Variants in SRBD1 observed in about 807,000 individuals in gnomAD.
SRBD1 encodes S1 RNA-binding domain-containing protein 1.
SRBD1 carries 88 observed loss-of-function variants against 115.3 expected under a neutral mutation model. The observed-to-expected ratio is 0.76, with a 90% CI of 0.64 to 0.91. The LOEUF (loss-of-function observed/expected upper bound fraction) is 0.91, where lower values mean the gene tolerates loss of function less well. Among genes scored for constraint, SRBD1 ranks in the 40% least tolerant of loss-of-function variants. The pLI, the probability that SRBD1 is intolerant of heterozygous loss-of-function variation, is 0.00. For synonymous variants in SRBD1, 509 were observed against 407.7 expected (o/e 1.25, Z -2.99); for missense variants, 1,385 against 1,177.4 (o/e 1.18, Z -2.58).
chr2:45,431,610 C>T (rs1206231316), intron 16 of SRBD1, among the ~76,000 whole-genome samples: 1 of 152,104 alleles, frequency 6.6e-6, no homozygotes, highest in African/African-American at 2.4e-5. Context: ...GAACATCACA[C>T]ACACTGGGGC....
chr2:45,561,408 T>C (rs1186493620), intron 10 of SRBD1, among the ~76,000 whole-genome samples: 1 of 152,258 alleles, frequency 6.6e-6, no homozygotes, highest in Non-Finnish European at 1.5e-5. Context: ...GTTAAGCAAG[T>C]TGATCCTTCA....
At position 45,477,147 on chromosome 2, in the gene SRBD1, T is replaced by C; in HGVS notation, c.1967-72A>G. On this transcript the variant is annotated intron_variant, in intron 15 of 20. Coordinates refer to ENST00000263736, the MANE Select transcript of SRBD1 (RefSeq NM_018079.5). ...AGTACCTAATAATTACTTACATTAGTTTCTCATAATGTAAGTACTTAATCC... is the reference window on the plus strand; with the variant it reads ...AGTACCTAATAATTACTTACATTAGCTTCTCATAATGTAAGTACTTAATCC... 3.3e-6 allele frequency: 4 copies of C among 1,223,572 alleles called. No individual in the cohort carries two copies. In the Admixed American group the frequency reaches 5.4e-5, roughly 17 times the overall value. 75.8% of individuals were successfully genotyped at this position (1,223,572 alleles called of 1,614,324 possible).
rs745517273 is a variant in SRBD1 at position 45,605,467 on chromosome 2, G to C, written c.1-26C>G. 7.5e-6 allele frequency: 12 copies of C among 1,592,612 alleles called. No individual in the cohort carries two copies. The East Asian group carries it at 2.5e-4, about 33-fold the overall frequency. On this transcript the variant is annotated intron_variant, in intron 1 of 20. Transcript: ENST00000263736. The stretch of plus-strand genomic sequence containing the variant: ...CTAGAAGAAACAGAAAATAAAATCA[G>C]CAACACTTGAATATTCTTATCACTT...
intron 4 of SRBD1, among the ~76,000 whole-genome samples, chr2:45,598,059 C>T (rs1572824678): frequency 6.6e-6 from 1 of 152,206 alleles, no homozygotes; most frequent in Non-Finnish European, 1.5e-5. Context: ...CCACCTGCCT[C>T]TGTAGGCCTG....
intron 13 of SRBD1, 106 bp from the exon 14 acceptor site, chr2:45,546,945 C>T: frequency 9.3e-7 from 1 of 1,079,376 alleles, no homozygotes; most frequent in Non-Finnish European, 1.4e-6. Flanking sequence ...TTCTCTTATT[C>T]TCTCATATAT....
intron 1 of SRBD1, among the ~76,000 whole-genome samples, chr2:45,607,930 C>T (rs1250458754): frequency 6.6e-6 from 1 of 152,184 alleles, no homozygotes; most frequent in East Asian, 1.9e-4. Flanking sequence ...AGGCTTTTCT[C>T]TGGAGAATCT....
At chr2:45,553,826 G>A (rs906352694) in intron 10 of SRBD1, 96 bp from the exon 11 acceptor site, 8 of 621,346 alleles carry the variant, frequency 1.3e-5, no homozygotes, top group Non-Finnish European at 1.6e-5. Context: ...ACAGAAGCGG[G>A]GAAAACCTTT....
At chr2:45,570,636 A>C (rs1427420674) in intron 9 of SRBD1, among the ~76,000 whole-genome samples, 4 of 152,222 alleles carry the variant, frequency 2.6e-5, no homozygotes, top group African/African-American at 4.8e-5. Flanking sequence ...ATAACAACGA[A>C]AGAAACACAG....
chr2:45,424,719 A>G (rs1668101930), intron 16 of SRBD1, among the ~76,000 whole-genome samples: 1 of 152,244 alleles, frequency 6.6e-6, no homozygotes, highest in Non-Finnish European at 1.5e-5. Context: ...GTCATGACGA[A>G]GTAAAATGTA....
At chr2:45,442,502 C>A (rs1668700138) in intron 16 of SRBD1, among the ~76,000 whole-genome samples, 1 of 152,148 alleles carries the variant, frequency 6.6e-6, no homozygotes, top group Admixed American at 6.5e-5. Context: ...GGCTAGGTCA[C>A]AGAGTTAAAG....
chr2:45,568,458 G>C lies in SRBD1; in HGVS notation c.1305+4749C>G, dbSNP rs1329559586. Among the ~76,000 whole-genome samples the C allele has an allele frequency of 2.6e-5, 4 of 152,140 alleles. No individual in the cohort carries two copies. The East Asian group carries it at 5.8e-4, about 22-fold the overall frequency. The stretch of plus-strand genomic sequence containing the variant: ...CTATAGGAATTGGGAAGCTGTTTTT[G>C]TAACCTAGCATATCATCACTCCGGC... On this transcript the variant is annotated intron_variant, in intron 9 of 20. Transcript: ENST00000263736.
At position 45,392,692 on chromosome 2, in the gene SRBD1, T is replaced by C. The variant is rs532795028; in HGVS notation, c.2698+253A>G. On this transcript the variant is annotated intron_variant, in intron 20 of 20. Transcript: ENST00000263736. ...CTCCATGCATACAGCAGTACATGCA[T>C]GATGCATTTCGTTTAGTAAATGGGA... 3.9e-5 allele frequency among the ~76,000 whole-genome samples: 6 copies of C among 152,348 alleles called. No homozygotes were observed. The East Asian group carries it at 1.2e-3, about 29-fold the overall frequency.
At chr2:45,481,372 G>A (rs79668138) in intron 15 of SRBD1, among the ~76,000 whole-genome samples, 18,813 of 152,030 alleles carry the variant, frequency 0.12, 1,228 homozygotes, top group East Asian at 0.18. Context: ...AAAGATTCTT[G>A]AAAGTAAGAG....
chr2:45,505,006 A>C lies in SRBD1; in HGVS notation c.1875-16675T>G, dbSNP rs184478135. ...CCTTTACTTCTACAAAGATCAAATT[A>C]GTATCACACCAAATAGGTGCAAAGG... is the stretch of plus-strand genomic sequence containing the variant. On this transcript the variant is annotated intron_variant, in intron 14 of 20. Coordinates refer to ENST00000263736, the MANE Select transcript of SRBD1 (RefSeq NM_018079.5). Among the ~76,000 whole-genome samples, 317 of 152,284 alleles carry C rather than the reference A, an allele frequency of 2.1e-3. 3 individuals carry two copies. The highest frequency in any genetic ancestry group is 2.4e-3 in the Non-Finnish European group (163 of 68,024).
chr2:45,561,836 T>G (rs1340377406), intron 10 of SRBD1, among the ~76,000 whole-genome samples: 5 of 152,194 alleles, frequency 3.3e-5, no homozygotes, highest in Non-Finnish European at 7.4e-5. Flanking sequence ...CCTTAAAATA[T>G]CTAATAAATT....
chr2:45,419,722 C>T (rs1483708129), intron 17 of SRBD1, 66 bp downstream of exon 17: 6 of 1,422,930 alleles, frequency 4.2e-6, no homozygotes, highest in East Asian at 2.3e-5. Context: ...TTCTTCTAGC[C>T]GAGTTTGGAC....
At chr2:45,494,404 T>C (rs1670392287) in intron 14 of SRBD1, among the ~76,000 whole-genome samples, 1 of 152,150 alleles carries the variant, frequency 6.6e-6, no homozygotes, top group African/African-American at 2.4e-5. Flanking sequence ...TACCAAGCTT[T>C]CTTTTAAAGT....
In SRBD1 at chr2:45,543,299, G is replaced by A. The variant is rs146199880; in HGVS notation, c.1874+3433C>T. On this transcript the variant is annotated intron_variant, in intron 14 of 20. Transcript: ENST00000263736. ...CTAATATGTGTAAGTATCATGATTC[G>A]TAAGGTATTTTAAGGGTAGGGAGAG... Among the ~76,000 whole-genome samples the A allele has an allele frequency of 3.3e-3, 501 of 152,280 alleles. 2 individuals are homozygous for A. Among genetic ancestry groups the A allele is most frequent in the African/African-American group, 0.011 (474 of 41,548 alleles).
chr2:45,605,495 T>A, intron 1 of SRBD1, 54 bp from the exon 2 acceptor site: 1 of 1,523,652 alleles, frequency 6.6e-7, no homozygotes, highest in Non-Finnish European at 9.1e-7. Flanking sequence ...TATCACTTTA[T>A]TTGGCTACAA....
Sources: allele counts gnomAD v4.1 joint callset (sites outside exome capture counted in the v4.1 genomes callset), GRCh38; gene constraint gnomAD v4.1.1; transcripts MANE v1.5; gene names NCBI Gene and HGNC (gene_info 2026-07-23, HGNC 2026-07-21).